IGSF10: variants seen among roughly 807,000 people sequenced by gnomAD.
IGSF10 encodes the protein calvaria mechanical force protein 608.
A neutral mutation model predicts 128.2 loss-of-function variants in IGSF10; 126 were observed. The ratio of observed to expected loss-of-function variants is 0.98; its 90% CI spans 0.85 to 1.14. The LOEUF (loss-of-function observed/expected upper bound fraction) is 1.14. Among genes scored for constraint, IGSF10 ranks in the 50% most tolerant of loss-of-function variants. The probability of loss-of-function intolerance (pLI) is 0.00; values close to 1 mark genes in which losing one functional copy is unlikely to be tolerated. For synonymous variants in IGSF10, 1,185 were observed against 1,146.2 expected (o/e 1.03, Z -0.68); for missense variants, 3,295 against 3,149.8 (o/e 1.05, Z -1.10).
the IGSF10 span, among the ~76,000 whole-genome samples, chr3:151,593,551 T>C: frequency 6.6e-6 from 1 of 152,042 alleles, no homozygotes; most frequent in African/African-American, 2.4e-5. Context: ...ATTTCACCAA[T>C]GGTTGTACCT....
the IGSF10 span, among the ~76,000 whole-genome samples, chr3:151,549,333 C>T: frequency 6.6e-6 from 1 of 152,152 alleles, no homozygotes; most frequent in Non-Finnish European, 1.5e-5. Flanking sequence ...CCCAGAGATC[C>T]TCTATTTTAC....
rs757648626 is a variant in IGSF10, at chr3:151,457,049, A to C, written c.301T>G (p.Phe101Val). ...NGIHTIPDKT[F>V]SDLQALQVLK... Reference sequence around the variant, plus strand: ...ACCTGCAAGGCCTGCAAATCTGAGAAGGTCTTGTCAGGGATTGTGTGAATG... The same window carrying C: ...ACCTGCAAGGCCTGCAAATCTGAGACGGTCTTGTCAGGGATTGTGTGAATG... The change falls in exon 4 of 8, where the codon TTC becomes GTC. Residue 101 changes from phenylalanine (F) to valine (V), a missense_variant. By Grantham distance (50) the Phe-to-Val change is conservative. Coordinates refer to ENST00000282466, the MANE Select transcript of IGSF10 (RefSeq NM_178822.5). 2 of 1,614,184 alleles carry C rather than the reference A, an allele frequency of 1.2e-6. No individual in the cohort carries two copies. The highest frequency in any genetic ancestry group is 1.1e-5 in the South Asian group (1 of 91,084).
downstream of IGSF10, chr3:151,434,277 A>G (rs950050997): frequency 3.3e-5 from 5 of 152,190 alleles, no homozygotes; most frequent in African/African-American, 1.2e-4. Context: ...TTTGCAAATC[A>G]TTATCTATAA....
At chr3:151,456,121 C>T (rs562847607) in intron 4 of IGSF10, among the ~76,000 whole-genome samples, 1 of 152,316 alleles carries the variant, frequency 6.6e-6, no homozygotes, top group Non-Finnish European at 1.5e-5. Context: ...AAAGGACATG[C>T]AATCCATCTA....
the IGSF10 span, among the ~76,000 whole-genome samples, chr3:151,498,839 T>G: frequency 6.6e-6 from 1 of 152,142 alleles, no homozygotes; most frequent in African/African-American, 2.4e-5. Context: ...AACATCTACT[T>G]ACACTTGAGC....
At chr3:151,550,840 C>A in the IGSF10 span, among the ~76,000 whole-genome samples, 1 of 152,140 alleles carries the variant, frequency 6.6e-6, no homozygotes, top group Non-Finnish European at 1.5e-5. Flanking sequence ...ATATCCTGGT[C>A]TGTTCCTGTT....
the IGSF10 span, among the ~76,000 whole-genome samples, chr3:151,530,540 TGGGGGGCA>T: frequency 6.6e-6 from 1 of 151,208 alleles, no homozygotes; most frequent in African/African-American, 2.4e-5. Flanking sequence ...CAGAAGAGAG[TGGGGGGCA>T]GGGGGCAATA....
the IGSF10 span, among the ~76,000 whole-genome samples, chr3:151,550,472 A>G: frequency 6.6e-6 from 1 of 152,300 alleles, no homozygotes; most frequent in African/African-American, 2.4e-5. Context: ...TTCTGCACAT[A>G]TCCTCTGGAT....
the IGSF10 span, among the ~76,000 whole-genome samples, chr3:151,595,307 A>C: frequency 1.3e-5 from 2 of 152,124 alleles, no homozygotes; most frequent in Non-Finnish European, 2.9e-5. Flanking sequence ...CCACAGAGAT[A>C]TCTTCACTAC....
intron 3 of IGSF10, among the ~76,000 whole-genome samples, chr3:151,457,397 ATCATTT>A (rs1219199317): frequency 2.6e-5 from 4 of 152,172 alleles, no homozygotes; most frequent in Non-Finnish European, 4.4e-5. Flanking sequence ...CACATTTCTT[ATCATTT>A]TCAAACTTTT....
chr3:151,559,168 TA>T, the IGSF10 span, among the ~76,000 whole-genome samples: 1 of 151,734 alleles, frequency 6.6e-6, no homozygotes, highest in South Asian at 2.1e-4. Context: ...TTCAAGGGAG[TA>T]AAAAACAAAC....
chr3:151,449,406 T>G, intron 5 of IGSF10, 141 bp from the exon 6 acceptor site: 1 of 800,638 alleles, frequency 1.2e-6, no homozygotes. Context: ...ATTTTTTGCT[T>G]CTGAATTTGA....
the IGSF10 span, among the ~76,000 whole-genome samples, chr3:151,545,455 C>A: frequency 6.6e-6 from 1 of 152,218 alleles, no homozygotes; most frequent in African/African-American, 2.4e-5. Context: ...TGAAGCAAGG[C>A]CTTTGCTCTG....
chr3:151,448,624 A>C lies in IGSF10; in HGVS notation c.1357T>G (p.Ser453Ala), dbSNP rs780390592. The change falls in exon 6 of 8, where the codon TCC becomes GCC. Residue 453 changes from serine to alanine, a missense_variant. Transcript: ENST00000282466. ...GGTAAAGTGATTTGAGCATCACTGGAGTACTGGATCTGTAATGTACTGAAT... is the reference window on the plus strand; with the variant it reads ...GGTAAAGTGATTTGAGCATCACTGGCGTACTGGATCTGTAATGTACTGAAT... ...TTFSTLQIQY[S>A]SDAQITLPRA... 30 of 1,613,956 alleles carry C rather than the reference A, an allele frequency of 1.9e-5. No homozygotes were observed. The highest frequency in any genetic ancestry group is 6.7e-5 in the Admixed American group (4 of 60,002).
At chr3:151,527,970 C>A in the IGSF10 span, among the ~76,000 whole-genome samples, 3 of 151,960 alleles carry the variant, frequency 2.0e-5, no homozygotes, top group Non-Finnish European at 4.4e-5. Context: ...AAAATTGAAA[C>A]CTGGGTTCAG....
chr3:151,443,879 C>G lies in IGSF10; in HGVS notation c.5068G>C (p.Asp1690His). The G allele has an allele frequency of 6.3e-7, 1 of 1,584,740 alleles. No individual in the cohort carries two copies. Among genetic ancestry groups the G allele is most frequent in the Non-Finnish European group, 8.6e-7 (1 of 1,163,142 alleles). ...CTATTCTGTTTCCTCTTAGATAAAT[C>G]AAGTCCTGAGAAGAAAAAAAGAAAA... ...IHWTRVPSGLDLSKRKQNSRV... is the reference protein window; with the variant it reads ...IHWTRVPSGLHLSKRKQNSRV... The change falls in exon 7 of 8, where the codon GAT (aspartate) becomes CAT (histidine). Residue 1690 changes from aspartate to histidine, a missense_variant. Coordinates refer to ENST00000282466, the MANE Select transcript of IGSF10 (RefSeq NM_178822.5).
the IGSF10 span, among the ~76,000 whole-genome samples, chr3:151,586,964 G>C: frequency 1.3e-5 from 2 of 152,054 alleles, no homozygotes; most frequent in Non-Finnish European, 2.9e-5. Flanking sequence ...CTTGAGCATG[G>C]GTTCAGTGTA....
the IGSF10 span, among the ~76,000 whole-genome samples, chr3:151,530,412 T>G: frequency 2.0e-5 from 3 of 151,812 alleles, no homozygotes; most frequent in Non-Finnish European, 4.4e-5. Flanking sequence ...CACATAATCA[T>G]CAGATTCACC....
chr3:151,571,945 G>C, the IGSF10 span, among the ~76,000 whole-genome samples: 2 of 152,134 alleles, frequency 1.3e-5, no homozygotes, highest in Non-Finnish European at 2.9e-5. Context: ...TGTTGAATTT[G>C]TCGAAGGCCT....
Sources: allele counts gnomAD v4.1 joint callset (sites outside exome capture counted in the v4.1 genomes callset), GRCh38; gene constraint gnomAD v4.1.1; transcripts MANE v1.5; gene names NCBI Gene and HGNC (gene_info 2026-07-23, HGNC 2026-07-21).